Variants in XPNPEP1 observed in about 807,000 individuals in gnomAD.
XPNPEP1 encodes the protein xaa-Pro aminopeptidase 1.
In XPNPEP1, 39 loss-of-function variants were observed where a neutral mutation model predicts 92.4. The observed-to-expected ratio is 0.42, with a 90% confidence interval of 0.33 to 0.55. XPNPEP1 has a LOEUF of 0.55. Among genes scored for constraint, XPNPEP1 ranks in the 20% least tolerant of loss-of-function variants. The pLI, the probability that XPNPEP1 is intolerant of heterozygous loss-of-function variation, is 0.08. For missense variants in XPNPEP1, 654 were observed against 856.1 expected, an observed-to-expected ratio of 0.76 and a Z score of 2.95; for synonymous variants, 307 against 299.4, an observed-to-expected ratio of 1.03 and a Z score of -0.26.
At chr10:109,900,998 G>A (rs1849257368) in intron 3 of XPNPEP1, among the ~76,000 whole-genome samples, 1 of 152,030 alleles carries the variant, frequency 6.6e-6, no homozygotes, top group Non-Finnish European at 1.5e-5. Context: ...GTTTATTGCG[G>A]CACTATTCAC....
At chr10:109,915,625 T>A (rs1850141984) in intron 1 of XPNPEP1, among the ~76,000 whole-genome samples, 1 of 152,222 alleles carries the variant, frequency 6.6e-6, no homozygotes, top group African/African-American at 2.4e-5. Flanking sequence ...TAAGAGCTTA[T>A]CTTCAATAGA....
At chr10:109,919,082 C>T (rs1317103718) in intron 1 of XPNPEP1, among the ~76,000 whole-genome samples, 2 of 152,146 alleles carry the variant, frequency 1.3e-5, no homozygotes, top group African/African-American at 2.4e-5. Flanking sequence ...TTGGATTAGG[C>T]AATGACTTCT....
intron 20 of XPNPEP1, among the ~76,000 whole-genome samples, chr10:109,866,732 G>A (rs1338126318): frequency 6.6e-6 from 1 of 152,204 alleles, no homozygotes; most frequent in African/African-American, 2.4e-5. Flanking sequence ...TCCCTAAAGT[G>A]ACTCCAAAAT....
intron 1 of XPNPEP1, among the ~76,000 whole-genome samples, chr10:109,919,038 A>C (rs1850379010): frequency 1.3e-5 from 2 of 152,220 alleles, no homozygotes; most frequent in Non-Finnish European, 2.9e-5. Flanking sequence ...TAAACTGTAA[A>C]ACTCTTATAG....
At chr10:109,918,863 GGAAGGAAGGAAGGAA>G (rs1564799105) in intron 1 of XPNPEP1, among the ~76,000 whole-genome samples, 13 of 34,888 alleles carry the variant, frequency 3.7e-4, no homozygotes, top group Admixed American at 2.5e-3. Context: ...AAGGAGGGAA[GGAAGGAAGGAAGGAA>G]GGAAGGAAGG....
Position 109,871,869 on chromosome 10 carries a change from G to C in XPNPEP1, c.1453-8C>G. The C allele has an allele frequency of 1.9e-6, 3 of 1,613,296 alleles. No individual in the cohort carries two copies. The highest frequency in any genetic ancestry group is 1.7e-5 in the Admixed American group (1 of 59,804). ...GACATATGTGAAGCATTCCTGCAAA[G>C]AAAACCCAGGGGCATGTTGCAGAAT... On this transcript the variant is annotated splice_polypyrimidine_tract_variant and splice_region_variant and intron_variant, in intron 16 of 20. Transcript: ENST00000502935.
Position 109,905,690 on chromosome 10 carries a change from A to G in XPNPEP1, c.246+2001T>C, listed in dbSNP as rs565130873. On this transcript the variant is annotated intron_variant, in intron 3 of 20. Transcript: ENST00000502935. ...ACACTACAGTATTGTACATTTTTAA[A>G]TGGTTAAAATAAATGTCATATTATA... Among the ~76,000 whole-genome samples, 3 of 152,346 alleles carry G rather than the reference A, an allele frequency of 2.0e-5. No homozygotes were observed. The South Asian group carries it at 6.2e-4, about 32-fold the overall frequency.
intron 3 of XPNPEP1, among the ~76,000 whole-genome samples, chr10:109,903,366 T>G (rs1250059564): frequency 6.6e-6 from 1 of 152,132 alleles, no homozygotes; most frequent in Non-Finnish European, 1.5e-5. Context: ...TGAGAACCCT[T>G]TCGGAGGAGG....
chr10:109,888,000 T>G (rs1848488855), intron 7 of XPNPEP1, 49 bp downstream of exon 7: 10 of 1,603,116 alleles, frequency 6.2e-6, no homozygotes, highest in South Asian at 1.1e-5. Context: ...TAGCAAGAGG[T>G]GGGGGGACAA....
At chr10:109,915,713 C>T (rs774393036) in intron 1 of XPNPEP1, among the ~76,000 whole-genome samples, 19 of 152,164 alleles carry the variant, frequency 1.2e-4, no homozygotes, top group Non-Finnish European at 1.8e-4. Flanking sequence ...AAGACTTTCA[C>T]ATTAATTTAT....
At chr10:109,872,398 T>C (rs867863410) in intron 16 of XPNPEP1, among the ~76,000 whole-genome samples, 22 of 152,216 alleles carry the variant, frequency 1.4e-4, no homozygotes, top group Middle Eastern at 3.2e-3. Context: ...CTTCAGGGGT[T>C]ATCCCCACTG....
chr10:109,909,647 T>A (rs1849753920), intron 2 of XPNPEP1, among the ~76,000 whole-genome samples: 1 of 152,220 alleles, frequency 6.6e-6, no homozygotes, highest in Non-Finnish European at 1.5e-5. Flanking sequence ...TGTAGTCCTA[T>A]GTCTACATAA....
Sources: allele counts gnomAD v4.1 joint callset (sites outside exome capture counted in the v4.1 genomes callset), GRCh38; gene constraint gnomAD v4.1.1; transcripts MANE v1.5; gene names NCBI Gene and HGNC (gene_info 2026-07-23, HGNC 2026-07-21).